Variants in USP6NL observed in about 807,000 individuals in gnomAD.
USP6NL encodes the protein USP6 N-terminal like.
In USP6NL, 26 loss-of-function variants were observed where a neutral mutation model predicts 61.9. The ratio of observed to expected loss-of-function variants is 0.42; its 90% CI spans 0.31 to 0.58. USP6NL has a LOEUF of 0.58. USP6NL is among the 20% of genes least tolerant of loss of function. The pLI is 0.16. For missense variants in USP6NL, 1,114 were observed against 1,034.3 expected (o/e 1.08, Z -1.06); for synonymous variants, 432 against 390.1 (o/e 1.11, Z -1.27).
chr10:11,583,505 T>A (rs1474878337), intron 2 of USP6NL, among the ~76,000 whole-genome samples: 1 of 152,164 alleles, frequency 6.6e-6, no homozygotes, highest in Admixed American at 6.5e-5. Flanking sequence ...CATTTTCAAT[T>A]TTTTAAGGAA....
chr10:11,492,001 C>T (rs11598190), intron 8 of USP6NL, among the ~76,000 whole-genome samples: 2,346 of 152,280 alleles, frequency 0.015, 28 homozygotes, highest in Middle Eastern at 0.048. Context: ...ATATTTTCTT[C>T]TTCCCTCTCT....
intron 2 of USP6NL, among the ~76,000 whole-genome samples, chr10:11,594,122 G>C (rs188251719): frequency 3.9e-5 from 6 of 151,948 alleles, no homozygotes; most frequent in African/African-American, 1.4e-4. Context: ...TCAAAAACAA[G>C]AACTCTGACA....
intron 2 of USP6NL, among the ~76,000 whole-genome samples, chr10:11,545,977 A>G (rs1370180827): frequency 6.6e-6 from 1 of 152,234 alleles, no homozygotes; most frequent in Non-Finnish European, 1.5e-5. Flanking sequence ...ACTTACTGAC[A>G]AACAGCTTAC....
chr10:11,524,090 T>TA (rs1274700201), intron 4 of USP6NL, among the ~76,000 whole-genome samples: 12 of 152,220 alleles, frequency 7.9e-5, no homozygotes, highest in South Asian at 4.1e-4. Flanking sequence ...AAGTTTAATT[T>TA]AAAAACAGTA....
chr10:11,503,749 T>C (rs964589393), intron 6 of USP6NL, among the ~76,000 whole-genome samples: 7 of 152,210 alleles, frequency 4.6e-5, no homozygotes, highest in African/African-American at 1.7e-4. Context: ...TTATGGATAT[T>C]TACCTCATTT....
rs1025972621 is a variant in USP6NL at position 11,596,417 on chromosome 10, C to T, written c.4+1214G>A. Among the ~76,000 whole-genome samples the T allele has an allele frequency of 1.3e-5, 2 of 151,824 alleles. No individual in the cohort carries two copies. Among genetic ancestry groups the T allele is most frequent in the Non-Finnish European group, 2.9e-5 (2 of 67,940 alleles). On this transcript the variant is annotated intron_variant, in intron 2 of 14. Coordinates refer to ENST00000609104, the MANE Select transcript of USP6NL (RefSeq NM_014688.5). The surrounding 1 kb of genome is among the most constrained non-coding windows in gnomAD (Gnocchi z 4.1). Reference sequence around the variant, plus strand: ...CGGGCGGATCACAAGGTCAGGAGATCGAGACCATCCTGACTAACACGGTGA... The same window carrying T: ...CGGGCGGATCACAAGGTCAGGAGATTGAGACCATCCTGACTAACACGGTGA...
intron 2 of USP6NL, among the ~76,000 whole-genome samples, chr10:11,549,176 C>G (rs1380044020): frequency 6.6e-6 from 1 of 152,138 alleles, no homozygotes; most frequent in Non-Finnish European, 1.5e-5. Context: ...TTATTATCTC[C>G]TAACCGACCT....
chr10:11,503,415 A>C (rs1186233846), intron 6 of USP6NL, among the ~76,000 whole-genome samples: 1 of 152,180 alleles, frequency 6.6e-6, no homozygotes, highest in Non-Finnish European at 1.5e-5. Context: ...TTAAATCTAC[A>C]TTTAGGGAAA....
rs1833260939 is a variant in USP6NL at position 11,482,882 on chromosome 10, T to C, written c.926-960A>G. On this transcript the variant is annotated intron_variant, in intron 13 of 14. Coordinates refer to ENST00000609104, the MANE Select transcript of USP6NL (RefSeq NM_014688.5). This position sits in a 1 kb window ranked among gnomAD's most constrained non-coding sequence, Gnocchi z 4.0. ...TTTTTTTTAATTGGCTAATGACAAATTGTATATATCTGTGGTAGACAATGT... is the reference window on the plus strand; with the variant it reads ...TTTTTTTTAATTGGCTAATGACAAACTGTATATATCTGTGGTAGACAATGT... Among the ~76,000 whole-genome samples the C allele has an allele frequency of 6.6e-6, 1 of 152,174 alleles. No individual in the cohort carries two copies. The highest frequency in any genetic ancestry group is 1.5e-5 in the Non-Finnish European group (1 of 68,024).
intron 1 of USP6NL, among the ~76,000 whole-genome samples, chr10:11,603,230 T>C (rs1378457118): frequency 6.6e-6 from 1 of 152,158 alleles, no homozygotes; most frequent in Non-Finnish European, 1.5e-5. Flanking sequence ...CAGGTAGGTT[T>C]CCAGACAGAC....
At chr10:11,536,299 A>T (rs944709626) in intron 2 of USP6NL, among the ~76,000 whole-genome samples, 2 of 152,182 alleles carry the variant, frequency 1.3e-5, no homozygotes, top group Non-Finnish European at 2.9e-5. Flanking sequence ...AATCCTAAGA[A>T]AAATAGCTCA....
Position 11,537,853 on chromosome 10 carries a change from C to T in USP6NL, c.5-10286G>A, listed in dbSNP as rs1835893353. Among the ~76,000 whole-genome samples the T allele has an allele frequency of 6.6e-6, 1 of 151,866 alleles. No homozygotes were observed. The highest frequency in any genetic ancestry group is 6.5e-5 in the Admixed American group (1 of 15,276). Reference sequence around the variant, plus strand: ...AATGATTTCCCTTCCCGTCAGCTTCCCAGCTGCCACCTCAGCCTCCCTTCA... The same window carrying T: ...AATGATTTCCCTTCCCGTCAGCTTCTCAGCTGCCACCTCAGCCTCCCTTCA... On this transcript the variant is annotated intron_variant, in intron 2 of 14. Transcript: ENST00000609104. The surrounding 1 kb of genome is among the most constrained non-coding windows in gnomAD (Gnocchi z 5.1).
Position 11,476,500 on chromosome 10 carries a change from A to G in USP6NL, c.1078+5270T>C, listed in dbSNP as rs1832971732. ...AGTTTCAAAAAATGTTTCAACAGCAACTACAAAACATACAGAAATAAAATA... is the reference window on the plus strand; with the variant it reads ...AGTTTCAAAAAATGTTTCAACAGCAGCTACAAAACATACAGAAATAAAATA... On this transcript the variant is annotated intron_variant, in intron 14 of 14. Coordinates refer to ENST00000609104, the MANE Select transcript of USP6NL (RefSeq NM_014688.5). This position sits in a 1 kb window ranked among gnomAD's most constrained non-coding sequence, Gnocchi z 4.3. Among the ~76,000 whole-genome samples, 1 of 152,238 alleles carries G rather than the reference A, an allele frequency of 6.6e-6. No homozygotes were observed. The highest frequency in any genetic ancestry group is 2.4e-5 in the African/African-American group (1 of 41,460).
chr10:11,522,976 C>G (rs1027630105), intron 4 of USP6NL, among the ~76,000 whole-genome samples: 3 of 152,212 alleles, frequency 2.0e-5, no homozygotes, highest in African/African-American at 7.2e-5. Flanking sequence ...TCGGTTTCAT[C>G]GCCTAAAAAG....
At chr10:11,503,331 A>G (rs1191985677) in intron 6 of USP6NL, among the ~76,000 whole-genome samples, 1 of 152,188 alleles carries the variant, frequency 6.6e-6, no homozygotes, top group Non-Finnish European at 1.5e-5. Flanking sequence ...GTCTTCAGAT[A>G]TTATTTTGTT....
rs1463541785 is a variant in USP6NL at position 11,462,157 on chromosome 10, T to C, written c.*284A>G. On this transcript the variant is annotated 3_prime_UTR_variant, in exon 15 of 15. Transcript: ENST00000609104. ...AATGTTCAGGTTTTGGAGAAAAACA[T>C]AACCGGAACTGAGTAATAAATTACC... 2.8e-6 allele frequency: 1 copy of C among 358,818 alleles called. No individual in the cohort carries two copies. The highest frequency in any genetic ancestry group is 5.0e-6 in the Non-Finnish European group (1 of 199,154). The allele number at this position is 358,818 out of a possible 1,614,324, so 22.2% of individuals were successfully genotyped here.
intron 2 of USP6NL, among the ~76,000 whole-genome samples, chr10:11,581,953 T>TGGC (rs1837788601): frequency 6.6e-6 from 1 of 151,782 alleles, no homozygotes; most frequent in Non-Finnish European, 1.5e-5. Flanking sequence ...TTGGTGGCGG[T>TGGC]GGTGGTGGTG....
At chr10:11,542,430 T>C (rs556824973) in intron 2 of USP6NL, among the ~76,000 whole-genome samples, 1 of 152,196 alleles carries the variant, frequency 6.6e-6, no homozygotes, top group African/African-American at 2.4e-5. Context: ...TAAAATAGCA[T>C]GGTAGAGGCT....
chr10:11,604,462 G>C (rs770523127), intron 1 of USP6NL, among the ~76,000 whole-genome samples: 5 of 152,216 alleles, frequency 3.3e-5, no homozygotes, highest in Non-Finnish European at 7.3e-5. Flanking sequence ...TGACAGTGAA[G>C]TAGTCAGAGG....
Sources: allele counts gnomAD v4.1 joint callset (sites outside exome capture counted in the v4.1 genomes callset), GRCh38; gene constraint gnomAD v4.1.1; non-coding constraint Gnocchi (gnomAD v3.1); transcripts MANE v1.5; gene names NCBI Gene and HGNC (gene_info 2026-07-23, HGNC 2026-07-21).